Variants in ARHGAP10 observed in about 807,000 individuals in gnomAD.
The protein encoded by ARHGAP10 is Rho GTPase activating protein 10.
ARHGAP10 carries 87 observed loss-of-function variants against 108.6 expected under a neutral mutation model. The ratio of observed to expected loss-of-function variants is 0.80; its 90% CI spans 0.67 to 0.96. The LOEUF (loss-of-function observed/expected upper bound fraction) is 0.96, where lower values mean the gene tolerates loss of function less well. ARHGAP10 is among the 40% of genes least tolerant of loss of function. ARHGAP10 has a pLI of 0.00. For missense variants in ARHGAP10, 939 were observed against 954.5 expected (o/e 0.98, Z 0.21); for synonymous variants, 347 against 341.1 (o/e 1.02, Z -0.19).
chr4:148,052,085 T>A (rs1729163860), intron 20 of ARHGAP10, among the ~76,000 whole-genome samples: 1 of 152,184 alleles, frequency 6.6e-6, no homozygotes, highest in Non-Finnish European at 1.5e-5. Context: ...AAACTGTGAA[T>A]GATTTGCCTA....
intron 14 of ARHGAP10, among the ~76,000 whole-genome samples, chr4:147,941,630 A>G (rs1355153746): frequency 6.6e-6 from 1 of 152,184 alleles, no homozygotes; most frequent in Non-Finnish European, 1.5e-5. Context: ...TGTGAGACAG[A>G]TACTGACTTG....
rs551529586 is a variant in ARHGAP10, at chr4:147,989,210, G to A, written c.1716+22371G>A. Among the ~76,000 whole-genome samples the A allele has an allele frequency of 7.0e-3, 1,060 of 152,326 alleles. 10 individuals carry two copies. The highest frequency in any genetic ancestry group is 0.024 in the African/African-American group (1,004 of 41,572). On this transcript the variant is annotated intron_variant, in intron 18 of 22. Transcript: ENST00000336498. ...AAGGGGAGGGAGTATACGAATAGGT[G>A]TGGGTGACAGACATCAAGTACTTAA...
intron 19 of ARHGAP10, among the ~76,000 whole-genome samples, chr4:148,035,650 G>A (rs1728346867): frequency 6.6e-6 from 1 of 152,200 alleles, no homozygotes; most frequent in Admixed American, 6.5e-5. Context: ...ACTTGAGCTT[G>A]CAGTGTAACT....
At chr4:147,766,683 G>A (rs925117465) in intron 1 of ARHGAP10, among the ~76,000 whole-genome samples, 7 of 145,136 alleles carry the variant, frequency 4.8e-5, no homozygotes, top group Non-Finnish European at 9.0e-5. Flanking sequence ...ACTCCAGCCT[G>A]GGCGATAGAG....
chr4:148,063,363 T>G (rs984733266), intron 21 of ARHGAP10, 63 bp downstream of exon 21: 1 of 1,595,554 alleles, frequency 6.3e-7, no homozygotes, highest in Non-Finnish European at 8.6e-7. Flanking sequence ...TTGATGAACC[T>G]GAGCAGGTTC....
At chr4:148,014,456 A>G (rs1450696790) in intron 18 of ARHGAP10, among the ~76,000 whole-genome samples, 2 of 152,268 alleles carry the variant, frequency 1.3e-5, no homozygotes, top group East Asian at 3.8e-4. Flanking sequence ...CACCGTGAAC[A>G]TAACAGTGAT....
At chr4:147,966,943 A>T (rs1190478492) in intron 18 of ARHGAP10, 104 bp downstream of exon 18, 2 of 1,071,888 alleles carry the variant, frequency 1.9e-6, no homozygotes, top group Non-Finnish European at 2.5e-6. Context: ...GTTTAAAAAA[A>T]TTCTTTCATT....
intron 1 of ARHGAP10, among the ~76,000 whole-genome samples, chr4:147,797,472 G>A (rs947966870): frequency 6.6e-6 from 1 of 152,090 alleles, no homozygotes; most frequent in Non-Finnish European, 1.5e-5. Context: ...GAGTGCAGTG[G>A]CACTATTTCT....
At chr4:148,040,424 C>T (rs1728581090) in intron 19 of ARHGAP10, among the ~76,000 whole-genome samples, 4 of 152,184 alleles carry the variant, frequency 2.6e-5, no homozygotes, top group Admixed American at 2.6e-4. Flanking sequence ...TCACTGCAGC[C>T]TCCACCTCCT....
intron 5 of ARHGAP10, among the ~76,000 whole-genome samples, chr4:147,858,792 G>T (rs1281841846): frequency 4.6e-5 from 7 of 151,984 alleles, no homozygotes; most frequent in African/African-American, 1.7e-4. Context: ...CCATTTTCAG[G>T]TATCCAAAAA....
intron 13 of ARHGAP10, among the ~76,000 whole-genome samples, chr4:147,920,111 G>A (rs572326929): frequency 3.4e-5 from 5 of 146,442 alleles, no homozygotes; most frequent in South Asian, 4.2e-4. Context: ...TTCTCTGAAC[G>A]TCTTTTAAAA....
intron 7 of ARHGAP10, among the ~76,000 whole-genome samples, chr4:147,871,708 T>C (rs1202028883): frequency 1.3e-5 from 2 of 152,256 alleles, no homozygotes; most frequent in East Asian, 3.8e-4. Context: ...GATGCCTTCA[T>C]ATGTACTTGG....
chr4:147,819,315 A>G (rs1326385356), intron 1 of ARHGAP10, among the ~76,000 whole-genome samples: 1 of 152,218 alleles, frequency 6.6e-6, no homozygotes, highest in Non-Finnish European at 1.5e-5. Flanking sequence ...TATAAAAAAT[A>G]CATAGGTAAG....
intron 7 of ARHGAP10, among the ~76,000 whole-genome samples, chr4:147,871,070 C>T (rs1734803772): frequency 6.6e-6 from 1 of 151,938 alleles, no homozygotes; most frequent in Non-Finnish European, 1.5e-5. Flanking sequence ...CGCCATTCTC[C>T]TGCCTCAGCC....
chr4:147,945,411 G>GT (rs1233960771), intron 14 of ARHGAP10, among the ~76,000 whole-genome samples: 5 of 151,990 alleles, frequency 3.3e-5, no homozygotes, highest in Non-Finnish European at 7.4e-5. Context: ...AAGGATGTTT[G>GT]TAAGAAACAC....
rs780665353 is a variant in ARHGAP10, at chr4:147,939,824, G to A, written c.1229-1G>A. On this transcript the variant is annotated splice_acceptor_variant, in intron 13 of 22. Coordinates refer to ENST00000336498, the MANE Select transcript of ARHGAP10 (RefSeq NM_024605.4). LOFTEE classifies it high-confidence loss of function. ...TGCTAATAGTTTGTTTCTTCCCATAGGTATAAATGACCAAGGATTGTACAG... is the reference window on the plus strand; with the variant it reads ...TGCTAATAGTTTGTTTCTTCCCATAAGTATAAATGACCAAGGATTGTACAG... 3.1e-6 allele frequency: 5 copies of A among 1,613,620 alleles called. No individual in the cohort carries two copies. Among genetic ancestry groups the A allele is most frequent in the East Asian group, 2.2e-5 (1 of 44,856 alleles).
intron 19 of ARHGAP10, among the ~76,000 whole-genome samples, chr4:148,041,421 C>G (rs1274013923): frequency 2.6e-5 from 4 of 152,096 alleles, no homozygotes; most frequent in Non-Finnish European, 5.9e-5. Context: ...CAGGGAAGCC[C>G]AAAGCTTTAT....
At chr4:147,996,284 AAAAC>A (rs1740475991) in intron 18 of ARHGAP10, among the ~76,000 whole-genome samples, 2 of 152,248 alleles carry the variant, frequency 1.3e-5, no homozygotes, top group Non-Finnish European at 1.5e-5. Context: ...AAGGCAGTCG[AAAAC>A]AAAACATCAA....
intron 18 of ARHGAP10, among the ~76,000 whole-genome samples, chr4:147,968,793 G>T (rs1321570729): frequency 2.6e-5 from 4 of 152,122 alleles, no homozygotes; most frequent in Non-Finnish European, 4.4e-5. Context: ...TTATTAAAAA[G>T]ATTTTTTTAA....
Sources: gnomAD v4.1 joint callset for allele counts (sites outside exome capture counted in the v4.1 genomes callset) on GRCh38, gnomAD v4.1.1 for gene constraint, MANE v1.5 for transcripts, NCBI Gene and HGNC (gene_info 2026-07-23, HGNC 2026-07-21) for gene names.